FABP4: variants seen among roughly 807,000 people sequenced by gnomAD.
FABP4 encodes the protein fatty acid binding protein 4.
FABP4 carries 17 observed loss-of-function variants against 14.6 expected under a neutral mutation model. That is an observed-to-expected ratio of 1.16 (90% CI 0.80 to 1.74). The LOEUF (loss-of-function observed/expected upper bound fraction) is 1.74, where lower values mean the gene tolerates loss of function less well. Among genes scored for constraint, FABP4 ranks in the 40% most tolerant of loss-of-function variants. FABP4 has a pLI of 0.00. For missense variants in FABP4, 149 were observed against 160.3 expected (o/e 0.93, Z 0.38); for synonymous variants, 54 against 54.6 (o/e 0.99, Z 0.05).
chr8:81,479,834 A>G (rs1808044042), intron 2 of FABP4: 2 of 199,604 alleles, frequency 1.0e-5, no homozygotes, highest in Non-Finnish European at 2.0e-5. Context: ...ATTCTCTTAC[A>G]TTGTTATAGT....
chr8:81,481,557 T>C (rs551222345), intron 1 of FABP4, among the ~76,000 whole-genome samples: 12 of 152,300 alleles, frequency 7.9e-5, no homozygotes, highest in Admixed American at 5.9e-4. Context: ...TTTTTAAACA[T>C]GTGCATGTAA....
rs1187937618 is a variant in FABP4 at position 81,480,457 on chromosome 8, T to G, written c.215A>C (p.Asp72Ala). 6.2e-7 allele frequency: 1 copy of G among 1,613,790 alleles called. No homozygotes were observed. The highest frequency in any genetic ancestry group is 1.7e-5 in the Admixed American group (1 of 60,006). Reference sequence around the variant, plus strand: ...TTTCCTGTCATCTGCAGTGACTTCGTCAAATTCCTGGCCCAGTATGAAGGA... The same window carrying G: ...TTTCCTGTCATCTGCAGTGACTTCGGCAAATTCCTGGCCCAGTATGAAGGA... ...EISFILGQEFDEVTADDRKVK... is the reference protein window; with the variant it reads ...EISFILGQEFAEVTADDRKVK... The change falls in exon 2 of 4, where the codon GAC becomes GCC. Residue 72 changes from aspartate to alanine, a missense_variant. Asp to Ala is a moderately radical substitution (Grantham distance 126). Transcript: ENST00000256104.
intron 1 of FABP4, among the ~76,000 whole-genome samples, chr8:81,482,200 G>T (rs946510035): frequency 2.5e-4 from 38 of 152,118 alleles, no homozygotes; most frequent in African/African-American, 8.9e-4. Flanking sequence ...AGGGTTAAGT[G>T]TTTTGCGATT....
Position 81,478,726 on chromosome 8 carries a change from C to T in FABP4, c.*139G>A. 1 of 700,972 alleles carries T rather than the reference C, an allele frequency of 1.4e-6. No homozygotes were observed. Among genetic ancestry groups the T allele is most frequent in the African/African-American group, 1.8e-5 (1 of 56,060 alleles). The allele number at this position is 700,972 out of a possible 1,614,324, so 43.4% of individuals were successfully genotyped here. On this transcript the variant is annotated 3_prime_UTR_variant, in exon 4 of 4. Coordinates refer to ENST00000256104, the MANE Select transcript of FABP4 (RefSeq NM_001442.3). ...AAAAAGTTTATTTAACCAACGTAAC[C>T]ATATTGAATAAAATCAGCTTGGGAG...
intron 1 of FABP4, among the ~76,000 whole-genome samples, chr8:81,481,807 G>A (rs1199712781): frequency 6.6e-6 from 1 of 151,956 alleles, no homozygotes; most frequent in Non-Finnish European, 1.5e-5. Context: ...ACTGACCTTG[G>A]GAAAAACCAG....
intron 1 of FABP4, among the ~76,000 whole-genome samples, chr8:81,480,928 A>C (rs751546249): frequency 3.3e-5 from 5 of 152,158 alleles, no homozygotes; most frequent in Non-Finnish European, 7.4e-5. Flanking sequence ...ATAAAGGTTA[A>C]GTGGTTGGGA....
intron 1 of FABP4, among the ~76,000 whole-genome samples, chr8:81,481,311 T>C (rs984481916): frequency 6.6e-6 from 1 of 152,212 alleles, no homozygotes; most frequent in Non-Finnish European, 1.5e-5. Flanking sequence ...AAGGGACTAG[T>C]CATCAAATTG....
chr8:81,481,959 T>C (rs1189807938), intron 1 of FABP4, among the ~76,000 whole-genome samples: 1 of 152,170 alleles, frequency 6.6e-6, no homozygotes, highest in African/African-American at 2.4e-5. Flanking sequence ...AAAAACACAG[T>C]ATTATTAGAA....
chr8:81,481,638 C>T (rs780703100), intron 1 of FABP4, among the ~76,000 whole-genome samples: 4 of 152,176 alleles, frequency 2.6e-5, no homozygotes, highest in South Asian at 2.1e-4. Flanking sequence ...AGATATATGG[C>T]GCAAAATAAG....
intron 1 of FABP4, among the ~76,000 whole-genome samples, chr8:81,482,050 CATATTA>C (rs1481848542): frequency 6.6e-6 from 1 of 151,976 alleles, no homozygotes; most frequent in Non-Finnish European, 1.5e-5. Flanking sequence ...TGCATCAGTG[CATATTA>C]ATTAGTTTAT....
chr8:81,479,445 T>C lies in FABP4; in HGVS notation c.317A>G (p.Lys106Arg). The C allele has an allele frequency of 6.2e-7, 1 of 1,613,418 alleles. No homozygotes were observed. Among genetic ancestry groups the C allele is most frequent in the Non-Finnish European group, 8.5e-7 (1 of 1,179,488 alleles). The change falls in exon 3 of 4, where the codon AAG becomes AGG. Residue 106 changes from lysine to arginine, a missense_variant. Coordinates refer to ENST00000256104, the MANE Select transcript of FABP4 (RefSeq NM_001442.3). The part of the protein sequence containing the change: ...QKWDGKSTTI[K>R]RKREDDKLVV... ...CAGTTTATCATCCTCTCGTTTTCTC[T>C]TTATGGTGGTTGATTTTCCATCCCA...
rs1205530736 is a variant in FABP4 at position 81,478,855 on chromosome 8, G to A, written c.*10C>T. ...AATGCGAACTTCAGTCCAGGTCAAC[G>A]TCCCTTGGCTTATGCTCTCTCATAA... On this transcript the variant is annotated 3_prime_UTR_variant, in exon 4 of 4. Coordinates refer to ENST00000256104, the MANE Select transcript of FABP4 (RefSeq NM_001442.3). 21 of 1,611,852 alleles carry A rather than the reference G, an allele frequency of 1.3e-5. No individual in the cohort carries two copies. The highest frequency in any genetic ancestry group is 1.7e-5 in the Admixed American group (1 of 59,898).
intron 1 of FABP4, among the ~76,000 whole-genome samples, chr8:81,481,185 T>A (rs1449593516): frequency 6.6e-6 from 1 of 152,174 alleles, no homozygotes; most frequent in Non-Finnish European, 1.5e-5. Context: ...TTTCTCAAAT[T>A]ACTCCACCAT....
chr8:81,480,306 G>T, intron 2 of FABP4, 120 bp downstream of exon 2: 3 of 968,384 alleles, frequency 3.1e-6, no homozygotes, highest in Non-Finnish European at 4.6e-6. Context: ...AGATGTAGGA[G>T]TTCAGGGATC....
At chr8:81,479,985 A>G in intron 2 of FABP4, 1 of 159,620 alleles carries the variant, frequency 6.3e-6, no homozygotes, top group Non-Finnish European at 1.3e-5. Flanking sequence ...AGGCAGGAGG[A>G]TTGCTTGAGG....
chr8:81,479,698 T>C, intron 2 of FABP4, 183 bp from the exon 3 acceptor site: 1 of 471,268 alleles, frequency 2.1e-6, no homozygotes, highest in Non-Finnish European at 3.8e-6. Flanking sequence ...GGATACGTTA[T>C]GTCCAGAGTG....
chr8:81,482,759 A>G (rs1439164660), intron 1 of FABP4, among the ~76,000 whole-genome samples: 1 of 152,210 alleles, frequency 6.6e-6, no homozygotes, highest in Non-Finnish European at 1.5e-5. Flanking sequence ...TACATGCAAA[A>G]GGGGATGAAA....
At chr8:81,479,725 A>C in intron 2 of FABP4, 1 of 352,260 alleles carries the variant, frequency 2.8e-6, no homozygotes, top group East Asian at 4.5e-5. Flanking sequence ...AAATTACATA[A>C]TTGGAAAAAT....
At chr8:81,480,661 G>A (rs1425534457) in intron 1 of FABP4, 63 bp from the exon 2 acceptor site, 4 of 1,483,200 alleles carry the variant, frequency 2.7e-6, no homozygotes, top group Non-Finnish European at 3.6e-6. Flanking sequence ...ATCCAAGTCA[G>A]AGAATGTGTG....
Sources: gnomAD v4.1 joint callset for allele counts (sites outside exome capture counted in the v4.1 genomes callset) on GRCh38, gnomAD v4.1.1 for gene constraint, MANE v1.5 for transcripts, NCBI Gene and HGNC (gene_info 2026-07-23, HGNC 2026-07-21) for gene names.